Variants in SGCD observed in about 807,000 individuals in gnomAD.
SGCD encodes delta-sarcoglycan.
Under a neutral mutation model 36.6 loss-of-function variants are expected in SGCD, and 18 were observed. That is an observed-to-expected ratio of 0.49 (90% confidence interval 0.34 to 0.73). SGCD has a LOEUF of 0.73. SGCD is among the 30% of genes least tolerant of loss of function. The pLI, the probability that SGCD is intolerant of heterozygous loss-of-function variation, is 0.01. For missense variants in SGCD, 387 were observed against 346.7 expected, an observed-to-expected ratio of 1.12 and a Z score of -0.92; for synonymous variants, 133 against 130.6, an observed-to-expected ratio of 1.02 and a Z score of -0.12.
At position 155,902,564 on chromosome 5, in the gene SGCD, T is replaced by C. The variant is rs1451303301; in HGVS notation, c.-282+32140T>C. 9.8e-5 allele frequency among the ~76,000 whole-genome samples: 15 copies of C among 152,322 alleles called. No homozygotes were observed. The South Asian group carries it at 1.0e-3, about 11-fold the overall frequency. On this transcript the variant is annotated intron_variant, in intron 1 of 9. Transcript: ENST00000517913. Reference sequence around the variant, plus strand: ...CATTAAAATATCATTCTTGTAGATATGCAAACCAGGTCAGGAACCCCAGTG... The same window carrying C: ...CATTAAAATATCATTCTTGTAGATACGCAAACCAGGTCAGGAACCCCAGTG...
chr5:156,404,851 A>C (rs1331451057), intron 3 of SGCD, among the ~76,000 whole-genome samples: 1 of 152,310 alleles, frequency 6.6e-6, no homozygotes, highest in South Asian at 2.1e-4. Context: ...GGCGGTCAAG[A>C]TCCTTGCTCC....
At chr5:156,217,081 T>TA (rs899979838) in intron 3 of SGCD, among the ~76,000 whole-genome samples, 6 of 151,588 alleles carry the variant, frequency 4.0e-5, no homozygotes, top group African/African-American at 7.3e-5. Flanking sequence ...CCATCTCAAA[T>TA]AAAAAAAATA....
chr5:156,650,816 A>G (rs766206750), intron 7 of SGCD, among the ~76,000 whole-genome samples: 8 of 152,196 alleles, frequency 5.3e-5, no homozygotes, highest in Non-Finnish European at 1.0e-4. Context: ...TCATTTTGAT[A>G]GAACAATTTA....
At chr5:156,495,278 AT>A (rs1444521634) in intron 3 of SGCD, among the ~76,000 whole-genome samples, 1 of 152,176 alleles carries the variant, frequency 6.6e-6, no homozygotes, top group African/African-American at 2.4e-5. Context: ...AGTATGTCTG[AT>A]GCCATCTTTT....
intron 4 of SGCD, among the ~76,000 whole-genome samples, chr5:156,514,602 G>A (rs767558184): frequency 7.2e-5 from 11 of 152,146 alleles, no homozygotes; most frequent in African/African-American, 1.2e-4. Context: ...TCTGCCTATC[G>A]TAAGATAGTC....
At chr5:155,809,330 C>T in the SGCD span, among the ~76,000 whole-genome samples, 2 of 152,140 alleles carry the variant, frequency 1.3e-5, no homozygotes, top group Admixed American at 6.5e-5. Context: ...ACTAAAAGAG[C>T]GAGGACAGAA....
At chr5:156,035,729 T>C (rs1053712602) in intron 1 of SGCD, among the ~76,000 whole-genome samples, 2 of 152,196 alleles carry the variant, frequency 1.3e-5, no homozygotes, top group Non-Finnish European at 2.9e-5. Flanking sequence ...AAATGGATTG[T>C]AAAGTGACTA....
chr5:156,433,461 C>T (rs748121067), intron 3 of SGCD, among the ~76,000 whole-genome samples: 4 of 152,162 alleles, frequency 2.6e-5, no homozygotes, highest in Admixed American at 6.5e-5. Context: ...TGGTGGCTGA[C>T]CACCTTGAAA....
Position 156,174,004 on chromosome 5 carries a change from TG to T in SGCD, c.-44+49987del, listed in dbSNP as rs563117541. Among the ~76,000 whole-genome samples, 6 of 152,360 alleles carry T rather than the reference TG, an allele frequency of 3.9e-5. No homozygotes were observed. The East Asian group carries it at 1.2e-3, about 29-fold the overall frequency. ...ATTATTCCTGTTGAATTTACATCAG[TG>T]GCTTCATAGATTTAAAAACTCATTG... On this transcript the variant is annotated intron_variant, in intron 3 of 9. Transcript: ENST00000517913.
At chr5:156,374,365 T>C (rs1337973200) in intron 3 of SGCD, among the ~76,000 whole-genome samples, 3 of 152,156 alleles carry the variant, frequency 2.0e-5, no homozygotes, top group African/African-American at 7.2e-5. Context: ...TGACCAACTA[T>C]AGCATAACGC....
intron 3 of SGCD, among the ~76,000 whole-genome samples, chr5:156,166,470 C>T (rs367942808): frequency 3.3e-5 from 5 of 152,294 alleles, no homozygotes; most frequent in Admixed American, 3.3e-4. Flanking sequence ...ATGCCAGACA[C>T]CACGCCTGGC....
At chr5:155,939,919 C>T (rs544761004) in intron 1 of SGCD, among the ~76,000 whole-genome samples, 108 of 151,526 alleles carry the variant, frequency 7.1e-4, no homozygotes, top group African/African-American at 2.4e-3. Flanking sequence ...ATGCAACCTC[C>T]TCCTCCTGGG....
At chr5:155,848,331 T>A in the SGCD span, among the ~76,000 whole-genome samples, 5 of 152,314 alleles carry the variant, frequency 3.3e-5, 1 homozygote, top group African/African-American at 1.2e-4. Flanking sequence ...CTGGCTTCTA[T>A]GTTCTCTATG....
At chr5:156,626,727 G>C (rs1762454126) in intron 6 of SGCD, among the ~76,000 whole-genome samples, 1 of 152,074 alleles carries the variant, frequency 6.6e-6, no homozygotes, top group African/African-American at 2.4e-5. Flanking sequence ...CAATATGTAG[G>C]TAGATTTGTT....
intron 3 of SGCD, among the ~76,000 whole-genome samples, chr5:156,221,715 G>A (rs1764720570): frequency 6.6e-6 from 1 of 152,072 alleles, no homozygotes; most frequent in Admixed American, 6.6e-5. Flanking sequence ...AGAGATGATA[G>A]TAAAGCAAAG....
At chr5:156,254,123 A>G (rs1195725470) in intron 3 of SGCD, among the ~76,000 whole-genome samples, 1 of 152,150 alleles carries the variant, frequency 6.6e-6, no homozygotes, top group Non-Finnish European at 1.5e-5. Context: ...GAAATCCGAT[A>G]CAATTGTTGA....
chr5:156,201,118 G>A (rs1764139381), intron 3 of SGCD, among the ~76,000 whole-genome samples: 1 of 152,104 alleles, frequency 6.6e-6, no homozygotes, highest in Non-Finnish European at 1.5e-5. Context: ...TGATTGATGG[G>A]CGTAGAGTTT....
intron 7 of SGCD, among the ~76,000 whole-genome samples, chr5:156,668,196 A>G (rs891880211): frequency 4.6e-5 from 7 of 152,282 alleles, no homozygotes; most frequent in African/African-American, 4.8e-5. Context: ...GCATGATATG[A>G]TCCTCTTGAT....
intron 1 of SGCD, among the ~76,000 whole-genome samples, chr5:156,074,943 A>G (rs1760727025): frequency 6.6e-6 from 1 of 152,242 alleles, no homozygotes; most frequent in South Asian, 2.1e-4. Flanking sequence ...CCCAGCTTCT[A>G]ACTTCAGTCA....
Sources: gnomAD v4.1 joint callset for allele counts (sites outside exome capture counted in the v4.1 genomes callset) on GRCh38, gnomAD v4.1.1 for gene constraint, MANE v1.5 for transcripts, NCBI Gene and HGNC (gene_info 2026-07-23, HGNC 2026-07-21) for gene names.